The following SLC24A1 variants were observed in gnomAD, a reference collection of about 807,000 sequenced individuals.
The protein encoded by SLC24A1 is solute carrier family 24 member 1.
In SLC24A1, 52 loss-of-function variants were observed where a neutral mutation model predicts 88.1. That is an observed-to-expected ratio of 0.59 (90% CI 0.47 to 0.74). The LOEUF (loss-of-function observed/expected upper bound fraction) is 0.74. Ranked by LOEUF, SLC24A1 falls within the 30% of genes least tolerant of loss-of-function variation. SLC24A1 has a pLI of 0.00. For missense variants in SLC24A1, 1,173 were observed against 1,363.3 expected (o/e 0.86, Z 2.20); for synonymous variants, 455 against 498.0 (o/e 0.91, Z 1.15).
intron 1 of SLC24A1, among the ~76,000 whole-genome samples, chr15:65,622,385 G>A (rs2074348872): frequency 6.6e-6 from 1 of 152,034 alleles, no homozygotes; most frequent in Admixed American, 6.6e-5. Context: ...GATTAGTGTG[G>A]CATGCAAGAA....
chr15:65,648,069 G>A (rs1389469980), intron 6 of SLC24A1, among the ~76,000 whole-genome samples: 1 of 152,104 alleles, frequency 6.6e-6, no homozygotes, highest in East Asian at 1.9e-4. Flanking sequence ...GACCATCCTG[G>A]CTAACACGGT....
intron 4 of SLC24A1, among the ~76,000 whole-genome samples, chr15:65,640,091 G>C (rs1455011180): frequency 6.6e-6 from 1 of 152,208 alleles, no homozygotes; most frequent in African/African-American, 2.4e-5. Flanking sequence ...TCCATGGAGA[G>C]TGTCTAGCCA....
rs1191717160 is a variant in SLC24A1 at position 65,639,612 on chromosome 15, C to T, written c.1962C>T (p.Thr654=). The T allele has an allele frequency of 6.2e-7, 1 of 1,610,332 alleles. No individual in the cohort carries two copies. Among genetic ancestry groups the T allele is most frequent in the South Asian group, 1.1e-5 (1 of 90,014 alleles). ...TTGCTCAGCTCCCGTCCTTGCTGACCCGAGGGAGCAGCTCGACCTCTCTGC... is the reference window on the plus strand; with the variant it reads ...TTGCTCAGCTCCCGTCCTTGCTGACTCGAGGGAGCAGCTCGACCTCTCTGC... The part of the protein sequence containing the change: ...NKKLKLPSLL[T]RGSSSTSLHN... The change falls in exon 4 of 10, where the codon ACC becomes ACT. Residue 654 remains threonine, a synonymous_variant. Coordinates refer to ENST00000261892, the MANE Select transcript of SLC24A1 (RefSeq NM_004727.3).
At position 65,628,943 on chromosome 15, in the gene SLC24A1, A is replaced by T. The variant is rs2074611233; in HGVS notation, c.1890+2973A>T. Among the ~76,000 whole-genome samples, 5 of 152,258 alleles carry T rather than the reference A, an allele frequency of 3.3e-5. No individual in the cohort carries two copies. The South Asian group carries it at 1.0e-3, about 32-fold the overall frequency. On this transcript the variant is annotated intron_variant, in intron 2 of 9. Transcript: ENST00000261892. ...TGTAAAGTGAATGGATGAGCTATGT[A>T]GAAGTTGGCAAACTTTTTCGGTAAA... is the stretch of plus-strand genomic sequence containing the variant.
chr15:65,652,624 A>ACCGTTG lies in SLC24A1; in HGVS notation c.2884-12_2884-7dup. Reference sequence around the variant, plus strand: ...GCCTCAGGTTTTTCACCTACTGTTGACCGTTGCCGTTTACCAGGTTGGTGA... The same window carrying ACCGTTG: ...GCCTCAGGTTTTTCACCTACTGTTGACCGTTGCCGTTGCCGTTTACCAGGTTGGTGA... On this transcript the variant is annotated splice_polypyrimidine_tract_variant and intron_variant, in intron 8 of 9. Transcript: ENST00000261892. 6.2e-7 allele frequency: 1 copy of ACCGTTG among 1,612,804 alleles called. No homozygotes were observed. Among genetic ancestry groups the ACCGTTG allele is most frequent in the Non-Finnish European group, 8.5e-7 (1 of 1,179,376 alleles).
chr15:65,635,472 A>AAAAAAAAAAG (rs2074898868), intron 2 of SLC24A1, among the ~76,000 whole-genome samples: 1 of 147,644 alleles, frequency 6.8e-6, no homozygotes, highest in African/African-American at 2.5e-5. Context: ...AAAAAAAAAG[A>AAAAAAAAAAG]AAAAAAAAGA....
chr15:65,613,810 G>C (rs2074052189), intron 2 of SLC24A1, among the ~76,000 whole-genome samples: 1 of 152,076 alleles, frequency 6.6e-6, no homozygotes, highest in African/African-American at 2.4e-5. Context: ...CATCTACAGA[G>C]ATAAGGGATA....
At chr15:65,613,441 G>A (rs946836611) in intron 2 of SLC24A1, among the ~76,000 whole-genome samples, 1 of 151,680 alleles carries the variant, frequency 6.6e-6, no homozygotes, top group Non-Finnish European at 1.5e-5. Flanking sequence ...TCATGACTTC[G>A]TGCTTGAGAA....
chr15:65,657,118 G>A (rs1361056523), downstream of SLC24A1, among the ~76,000 whole-genome samples: 1 of 152,012 alleles, frequency 6.6e-6, no homozygotes, highest in Non-Finnish European at 1.5e-5. Context: ...CAATCTGCCC[G>A]CCTCGGCCTC....
Position 65,625,019 on chromosome 15 carries a change from G to A in SLC24A1, c.939G>A (p.Leu313=), listed in dbSNP as rs150786832. ...AGACTCCCCAGGGAACAGTCCTGTTGCATACCCCAGCCACCTCTGAGGGGC... is the reference window on the plus strand; with the variant it reads ...AGACTCCCCAGGGAACAGTCCTGTTACATACCCCAGCCACCTCTGAGGGGC... ...NPKTPQGTVL[L]HTPATSEGQV... is the part of the protein sequence containing the mutation. Residue 313 remains leucine, a synonymous_variant, in exon 2 of 10, where the codon TTG becomes TTA. Coordinates refer to ENST00000261892, the MANE Select transcript of SLC24A1 (RefSeq NM_004727.3). The A allele has an allele frequency of 3.4e-4, 547 of 1,613,170 alleles. 2 individuals are homozygous for A. In the African/African-American group the frequency reaches 6.8e-3, roughly 20 times the overall value.
Position 65,625,965 on chromosome 15 carries a change from A to C in SLC24A1, c.1885A>C (p.Ser629Arg). 1 of 1,611,896 alleles carries C rather than the reference A, an allele frequency of 6.2e-7. No homozygotes were observed. Among genetic ancestry groups the C allele is most frequent in the Non-Finnish European group, 8.5e-7 (1 of 1,177,976 alleles). The part of the protein sequence containing the change: ...VAKVMALEDL[S>R]KPGDGAIAVD... ...CAAGGTCATGGCCTTAGAAGACCTCAGCAAGGTAAGGACAAATTGGCTCAG... is the reference window on the plus strand; with the variant it reads ...CAAGGTCATGGCCTTAGAAGACCTCCGCAAGGTAAGGACAAATTGGCTCAG... Residue 629 changes from serine to arginine, a missense_variant, in exon 2 of 10, where the codon AGC becomes CGC. Ser to Arg is a moderately radical substitution (Grantham distance 110). Coordinates refer to ENST00000261892, the MANE Select transcript of SLC24A1 (RefSeq NM_004727.3).
intron 2 of SLC24A1, among the ~76,000 whole-genome samples, chr15:65,629,550 C>T (rs1272020769): frequency 3.9e-5 from 6 of 152,218 alleles, no homozygotes. Context: ...GGCTGTCTCT[C>T]TGAAACTTAG....
At chr15:65,633,225 C>T (rs1181485868) in intron 2 of SLC24A1, among the ~76,000 whole-genome samples, 2 of 152,196 alleles carry the variant, frequency 1.3e-5, no homozygotes, top group Non-Finnish European at 2.9e-5. Flanking sequence ...TAGTCTGATT[C>T]ATGATGTGCT....
At chr15:65,618,442 C>T (rs890083102), upstream of SLC24A1, among the ~76,000 whole-genome samples, 1 of 152,038 alleles carries the variant, frequency 6.6e-6, no homozygotes, top group Non-Finnish European at 1.5e-5. Context: ...TAATCAGTTT[C>T]CTATTGACAT....
At chr15:65,630,170 A>G (rs753252895) in intron 2 of SLC24A1, among the ~76,000 whole-genome samples, 6 of 151,960 alleles carry the variant, frequency 3.9e-5, no homozygotes, top group Non-Finnish European at 8.8e-5. Context: ...GAGGGGGAGG[A>G]TATGGAGGTG....
At position 65,650,878 on chromosome 15, in the gene SLC24A1, T is replaced by C; in HGVS notation, c.2729T>C (p.Ile910Thr). 1.2e-6 allele frequency: 2 copies of C among 1,613,908 alleles called. No homozygotes were observed. Among genetic ancestry groups the C allele is most frequent in the Non-Finnish European group, 1.7e-6 (2 of 1,179,866 alleles). The change falls in exon 7 of 10, where the codon ATT (isoleucine) becomes ACT (threonine). Residue 910 changes from isoleucine (I) to threonine (T), a missense_variant. Coordinates refer to ENST00000261892, the MANE Select transcript of SLC24A1 (RefSeq NM_004727.3). This position sits in a 1 kb window ranked among gnomAD's most constrained non-coding sequence, Gnocchi z 4.1. Reference sequence around the variant, plus strand: ...CCTGAAACCAGGCAGAAGCAGGCCATTTACCTCTTCCTTCTGCCCATCGTG... The same window carrying C: ...CCTGAAACCAGGCAGAAGCAGGCCACTTACCTCTTCCTTCTGCCCATCGTG... ...DWPETRQKQA[I>T]YLFLLPIVFP...
Position 65,655,908 on chromosome 15 carries a change from G to A in SLC24A1, c.*1829G>A. On this transcript the variant is annotated 3_prime_UTR_variant, in exon 10 of 10. Transcript: ENST00000261892. ...CTCATCCTTATCTTTAGGTCATTTG[G>A]TCAGAATCCTCCCGAGAAGACTGAT... 2 of 985,192 alleles carry A rather than the reference G, an allele frequency of 2.0e-6. No homozygotes were observed. The highest frequency in any genetic ancestry group is 9.4e-5 in the South Asian group (2 of 21,256). 61.0% of individuals were successfully genotyped at this position (985,192 alleles called of 1,614,324 possible).
rs1339460694 is a variant in SLC24A1, at chr15:65,655,921, C to T, written c.*1842C>T. ...TTAGGTCATTTGGTCAGAATCCTCC[C>T]GAGAAGACTGATGAAGAGTATGGAA... On this transcript the variant is annotated 3_prime_UTR_variant, in exon 10 of 10. Coordinates refer to ENST00000261892, the MANE Select transcript of SLC24A1 (RefSeq NM_004727.3). The T allele has an allele frequency of 9.1e-6, 9 of 985,052 alleles. No individual in the cohort carries two copies. The highest frequency in any genetic ancestry group is 4.7e-5 in the South Asian group (1 of 21,288). 61.0% of individuals were successfully genotyped at this position (985,052 alleles called of 1,614,324 possible).
intron 2 of SLC24A1, among the ~76,000 whole-genome samples, chr15:65,633,665 A>T (rs1566953805): frequency 6.6e-6 from 1 of 152,130 alleles, no homozygotes. Context: ...ATCTCAAAAA[A>T]TAAAAAAATT....
Sources: allele counts gnomAD v4.1 joint callset (sites outside exome capture counted in the v4.1 genomes callset), GRCh38; gene constraint gnomAD v4.1.1; non-coding constraint Gnocchi (gnomAD v3.1); transcripts MANE v1.5; gene names NCBI Gene and HGNC (gene_info 2026-07-23, HGNC 2026-07-21).